The following UNC80 variants were observed in gnomAD, a reference collection of about 807,000 sequenced individuals.
UNC80 encodes the protein unc-80 subunit of NALCN channel complex.
UNC80 carries 164 observed loss-of-function variants against 384.6 expected under a neutral mutation model. That is an observed-to-expected ratio of 0.43 (90% confidence interval 0.38 to 0.49). The LOEUF (loss-of-function observed/expected upper bound fraction) is 0.49. UNC80 is among the 20% of genes least tolerant of loss of function. The pLI, the probability that UNC80 is intolerant of heterozygous loss-of-function variation, is 0.00. For missense variants in UNC80, 3,330 were observed against 4,143.0 expected (o/e 0.80, Z 5.39); for synonymous variants, 1,486 against 1,527.8 (o/e 0.97, Z 0.64).
intron 64 of UNC80, 83 bp downstream of exon 64, chr2:209,994,347 T>C (rs2093446872): frequency 7.9e-7 from 1 of 1,265,918 alleles, no homozygotes; most frequent in Non-Finnish European, 1.1e-6. Context: ...ATTTATTCCA[T>C]ATAATTAAGT....
chr2:209,954,277 C>T lies in UNC80; in HGVS notation c.7457+7C>T, dbSNP rs1350668037. 2.7e-6 allele frequency: 4 copies of T among 1,470,486 alleles called. No homozygotes were observed. The highest frequency in any genetic ancestry group is 5.1e-5 in the East Asian group (2 of 39,552). The allele number at this position is 1,470,486 out of a possible 1,614,324, so 91.1% of individuals were successfully genotyped here. ...GTGTAGAGGTCCTCACCAGGTAATC[C>T]CATTGGCAGAAATAGCTACAGCCTT... On this transcript the variant is annotated splice_region_variant and intron_variant, in intron 48 of 64. Coordinates refer to ENST00000673920, the MANE Select transcript of UNC80 (RefSeq NM_001371986.1).
intron 52 of UNC80, chr2:209,969,362 T>C (rs1242292212): frequency 6.0e-6 from 1 of 165,606 alleles, no homozygotes; most frequent in African/African-American, 2.4e-5. Context: ...AGTGGTAGTC[T>C]GGTGTAAAAA....
chr2:209,864,535 A>G (rs1223383907), intron 22 of UNC80, among the ~76,000 whole-genome samples: 1 of 152,068 alleles, frequency 6.6e-6, no homozygotes, highest in African/African-American at 2.4e-5. Context: ...GGGGATCCAG[A>G]TTCTGTTCCT....
At chr2:209,946,299 G>C (rs1276969452) in intron 47 of UNC80, among the ~76,000 whole-genome samples, 1 of 151,616 alleles carries the variant, frequency 6.6e-6, no homozygotes, top group South Asian at 2.1e-4. Flanking sequence ...AATCCCAGGC[G>C]GTCAAGGCTG....
intron 28 of UNC80, among the ~76,000 whole-genome samples, chr2:209,903,564 C>G (rs56251840): frequency 0.56 from 811 of 1,450 alleles, 305 homozygotes; most frequent in South Asian, 0.78. Context: ...TATATATATA[C>G]TATATATATA....
chr2:209,828,904 A>G (rs1333521643), intron 14 of UNC80, among the ~76,000 whole-genome samples: 2 of 152,208 alleles, frequency 1.3e-5, no homozygotes, highest in Non-Finnish European at 2.9e-5. Flanking sequence ...TCACTTATCT[A>G]AATTTCAAAC....
chr2:209,980,170 G>A (rs565729645), intron 59 of UNC80, among the ~76,000 whole-genome samples: 1 of 152,130 alleles, frequency 6.6e-6, no homozygotes, highest in South Asian at 2.1e-4. Flanking sequence ...AAAGAGAAAA[G>A]GATCAGCAGT....
At chr2:209,790,331 C>T (rs567598609) in intron 6 of UNC80, among the ~76,000 whole-genome samples, 6 of 152,278 alleles carry the variant, frequency 3.9e-5, no homozygotes, top group Non-Finnish European at 7.4e-5. Flanking sequence ...CTCTTTCCAA[C>T]TGTTATTACT....
At chr2:209,795,373 G>C (rs2078088410) in intron 7 of UNC80, 1 of 152,180 alleles carries the variant, frequency 6.6e-6, no homozygotes, top group African/African-American at 2.4e-5. Context: ...GAGCATAAAA[G>C]TTCAGAAAAT....
intron 27 of UNC80, among the ~76,000 whole-genome samples, chr2:209,895,913 G>A (rs1308605868): frequency 6.6e-6 from 1 of 152,186 alleles, no homozygotes; most frequent in East Asian, 1.9e-4. Flanking sequence ...ACAGAACAGT[G>A]GAGGCAGCAG....
intron 26 of UNC80, among the ~76,000 whole-genome samples, chr2:209,891,632 C>G (rs1268197941): frequency 1.3e-5 from 2 of 152,034 alleles, no homozygotes; most frequent in African/African-American, 4.8e-5. Flanking sequence ...TATTTCAACA[C>G]TCAAATGCTG....
intron 51 of UNC80, 30 bp downstream of exon 51, chr2:209,959,737 G>T (rs1168405501): frequency 1.3e-6 from 2 of 1,541,162 alleles, no homozygotes; most frequent in Admixed American, 2.0e-5. Flanking sequence ...TGCCCCAAGT[G>T]TGAACACAGC....
chr2:209,828,407 G>A (rs948453797), intron 14 of UNC80, among the ~76,000 whole-genome samples: 2 of 152,046 alleles, frequency 1.3e-5, no homozygotes, highest in Non-Finnish European at 2.9e-5. Flanking sequence ...AATGAAAAAT[G>A]TATCAATCCA....
In UNC80 at chr2:209,997,313, T is replaced by C. The variant is rs1192461163; in HGVS notation, c.*1718T>C. ...TATTTACAGTTAATGCTGAAATAAT[T>C]CTCAAGTGCAGGAATATAAATGTTA... is the stretch of plus-strand genomic sequence containing the variant. On this transcript the variant is annotated 3_prime_UTR_variant, in exon 65 of 65. Transcript: ENST00000673920. 1 of 152,202 alleles carries C rather than the reference T, an allele frequency of 6.6e-6. No individual in the cohort carries two copies. Among genetic ancestry groups the C allele is most frequent in the Non-Finnish European group, 1.5e-5 (1 of 68,028 alleles). 9.4% of individuals were successfully genotyped at this position (152,202 alleles called of 1,614,324 possible). A position where few individuals can be genotyped will look rare whatever the true frequency, so the allele number is the denominator to read the frequency against.
chr2:209,959,362 G>T, intron 50 of UNC80, 127 bp from the exon 51 acceptor site: 1 of 1,094,708 alleles, frequency 9.1e-7, no homozygotes, highest in Non-Finnish European at 1.3e-6. Context: ...GGTTCTCCTT[G>T]GCCTCACCCT....
At chr2:209,805,529 G>T (rs963377143) in intron 7 of UNC80, among the ~76,000 whole-genome samples, 2 of 152,182 alleles carry the variant, frequency 1.3e-5, no homozygotes, top group African/African-American at 4.8e-5. Context: ...GTATCTGAAG[G>T]CTTGACTGGT....
Position 209,992,170 on chromosome 2 carries a change from G to A in UNC80, c.9319G>A (p.Ala3107Thr). The A allele has an allele frequency of 3.2e-6, 5 of 1,551,464 alleles. No homozygotes were observed. Among genetic ancestry groups the A allele is most frequent in the Non-Finnish European group, 4.4e-6 (5 of 1,146,848 alleles). Residue 3107 changes from alanine to threonine, a missense_variant, in exon 62 of 65, where the codon GCA becomes ACA. By Grantham distance (58) the Ala-to-Thr change is moderately conservative. Coordinates refer to ENST00000673920, the MANE Select transcript of UNC80 (RefSeq NM_001371986.1). ...AACACTGTTGATGCTTGGCAGGGTG[G>A]CAAGTATACAGAGTGAACCTGGTCA... ...LAAEGSLSRVASIQSEPGQQN... is the reference protein window; with the variant it reads ...LAAEGSLSRVTSIQSEPGQQN...
chr2:209,774,042 A>C (rs2076729736), intron 2 of UNC80, among the ~76,000 whole-genome samples: 1 of 152,230 alleles, frequency 6.6e-6, no homozygotes, highest in Non-Finnish European at 1.5e-5. Flanking sequence ...TACATTGCAT[A>C]TATTATAACC....
intron 22 of UNC80, among the ~76,000 whole-genome samples, chr2:209,856,761 C>CTTATTTATTTAT (rs140456629): frequency 4.9e-4 from 74 of 149,784 alleles, no homozygotes; most frequent in African/African-American, 1.7e-3. Flanking sequence ...TTTTTGTTTA[C>CTTATTTATTTAT]TTATTTATTT....
Sources: gnomAD v4.1 joint callset for allele counts (sites outside exome capture counted in the v4.1 genomes callset) on GRCh38, gnomAD v4.1.1 for gene constraint, MANE v1.5 for transcripts, NCBI Gene and HGNC (gene_info 2026-07-23, HGNC 2026-07-21) for gene names.